MDC1: variants seen among roughly 807,000 people sequenced by gnomAD.
MDC1 encodes mediator of DNA damage checkpoint protein 1.
MDC1 carries 81 observed loss-of-function variants against 142.5 expected under a neutral mutation model. That is an observed-to-expected ratio of 0.57 (90% CI 0.47 to 0.68). The LOEUF is 0.68. Ranked by LOEUF, MDC1 falls within the 30% of genes least tolerant of loss-of-function variation. MDC1 has a pLI of 0.00. For synonymous variants in MDC1, 797 were observed against 968.4 expected (o/e 0.82, Z 3.29); for missense variants, 2,119 against 2,547.9 (o/e 0.83, Z 3.62).
intron 14 of MDC1, 70 bp downstream of exon 14, chr6:30,702,483 C>A (rs1266609373): frequency 2.2e-5 from 27 of 1,252,432 alleles, no homozygotes; most frequent in Non-Finnish European, 2.7e-5. Context: ...TCCCTCCAAT[C>A]TTTGCCATTC....
At chr6:30,708,869 A>C (rs112173261) in intron 7 of MDC1, among the ~76,000 whole-genome samples, 10 of 151,602 alleles carry the variant, frequency 6.6e-5, no homozygotes, top group African/African-American at 1.7e-4. Flanking sequence ...AAAAAAAAAA[A>C]AAAAAAACCC....
At position 30,709,793 on chromosome 6, in the gene MDC1, A is replaced by G. The variant is rs1178886365; in HGVS notation, c.2222-1436T>C. ...TCTGTGCTGACTTATTTCACTTAAC[A>G]TAATGTCCTCAGGGTTCATCCATGT... On this transcript the variant is annotated intron_variant, in intron 7 of 14. Transcript: ENST00000376406. The surrounding 1 kb of genome is among the most constrained non-coding windows in gnomAD (Gnocchi z 4.2). Among the ~76,000 whole-genome samples, 1 of 152,196 alleles carries G rather than the reference A, an allele frequency of 6.6e-6. No individual in the cohort carries two copies. The highest frequency in any genetic ancestry group is 2.4e-5 in the African/African-American group (1 of 41,452).
At position 30,713,537 on chromosome 6, in the gene MDC1, T is replaced by C. The variant is rs1164488374; in HGVS notation, c.587+111A>G. On this transcript the variant is annotated intron_variant, in intron 4 of 14. Coordinates refer to ENST00000376406, the MANE Select transcript of MDC1 (RefSeq NM_014641.3). The surrounding 1 kb of genome is among the most constrained non-coding windows in gnomAD (Gnocchi z 4.9). ...ATTCAGCTGAGTGAATGAATATGTA[T>C]GGTTCCCCAGCCCCAACTCTCATGA... 7.7e-7 allele frequency: 1 copy of C among 1,296,124 alleles called. No homozygotes were observed. The highest frequency in any genetic ancestry group is 1.5e-5 in the African/African-American group (1 of 66,760). The allele number at this position is 1,296,124 out of a possible 1,614,324, so 80.3% of individuals were successfully genotyped here.
rs752865436 is a variant in MDC1 at position 30,704,526 on chromosome 6, A to T, written c.4657T>A (p.Ser1553Thr). 6.2e-7 allele frequency: 1 copy of T among 1,610,462 alleles called. No homozygotes were observed. The highest frequency in any genetic ancestry group is 2.2e-5 in the East Asian group (1 of 44,658). The change falls in exon 10 of 15, where the codon TCT becomes ACT. Residue 1553 changes from serine to threonine, a missense_variant. Physicochemically the swap from Ser to Thr is moderately conservative, Grantham distance 58 (BLOSUM62 1). Transcript: ENST00000376406. ...TDQPVTPEPT[S>T]RATRGRTNRS... ...TTTGTCCTGCCCCTAGTGGCCCGAG[A>T]TGTGGGCTCAGGGGTGACAGGTTGG...
Position 30,707,946 on chromosome 6 carries a change from C to A in MDC1, c.2633G>T (p.Gly878Val), listed in dbSNP as rs1774189598. ...ATCTCTTTCAGGACTTGCACTTTCC[C>A]CATTTTTGTCAGATTCTTGTCTCTG... Reference protein sequence around the residue: ...DTQRQESDKNGESASPERDRE... With the variant: ...DTQRQESDKNVESASPERDRE... The change falls in exon 8 of 15, where the codon GGG (glycine) becomes GTG (valine). Residue 878 changes from glycine to valine, a missense_variant. Gly to Val is a moderately radical substitution (Grantham distance 109). Coordinates refer to ENST00000376406, the MANE Select transcript of MDC1 (RefSeq NM_014641.3). 2 of 1,612,934 alleles carry A rather than the reference C, an allele frequency of 1.2e-6. No individual in the cohort carries two copies. The highest frequency in any genetic ancestry group is 1.7e-5 in the Admixed American group (1 of 60,004).
rs748828430 is a variant in MDC1, at chr6:30,704,433, T to C, written c.4750A>G (p.Arg1584Gly). The C allele has an allele frequency of 6.2e-7, 1 of 1,612,356 alleles. No homozygotes were observed. Among genetic ancestry groups the C allele is most frequent in the Admixed American group, 1.7e-5 (1 of 59,770 alleles). Residue 1584 changes from arginine (R) to glycine (G), a missense_variant, in exon 10 of 15, where the codon AGA becomes GGA. By Grantham distance (125) the Arg-to-Gly change is moderately radical. Coordinates refer to ENST00000376406, the MANE Select transcript of MDC1 (RefSeq NM_014641.3). ...IAPELQPSTS[R>G]NQLVTPEPTS... ...GGCTCAGGGGTGACAAGCTGGTTTC[T>C]GGAGGTGGAAGGCTGAAGCTCAGGG...
chr6:30,710,239 C>A (rs940242115), intron 7 of MDC1, among the ~76,000 whole-genome samples: 2 of 152,060 alleles, frequency 1.3e-5, no homozygotes, highest in African/African-American at 4.8e-5. Context: ...CAGGCACCTG[C>A]CACCATGCCC....
Position 30,707,417 on chromosome 6 carries a change from A to T in MDC1, c.3051T>A (p.Ala1017=). The change falls in exon 9 of 15, where the codon GCT becomes GCA. Residue 1017 remains alanine (A), a synonymous_variant. Transcript: ENST00000376406. ...CCTTCTCAGCAGCTCTGATCCTGGA[A>T]GCCTTCTCAGCAGGTGGCATCTTGC... The part of the protein sequence containing the change: ...LNCKMPPAEK[A]SRIRAAEKVS... 6.2e-7 allele frequency: 1 copy of T among 1,613,118 alleles called. No homozygotes were observed. Among genetic ancestry groups the T allele is most frequent in the Non-Finnish European group, 8.5e-7 (1 of 1,180,032 alleles).
chr6:30,708,256 A>G lies in MDC1; in HGVS notation c.2323T>C (p.Tyr775His). 1.9e-6 allele frequency: 3 copies of G among 1,613,006 alleles called. No homozygotes were observed. Among genetic ancestry groups the G allele is most frequent in the Non-Finnish European group, 1.7e-6 (2 of 1,180,010 alleles). The change falls in exon 8 of 15, where the codon TAT (tyrosine) becomes CAT (histidine). Residue 775 changes from tyrosine (Y) to histidine (H), a missense_variant. Coordinates refer to ENST00000376406, the MANE Select transcript of MDC1 (RefSeq NM_014641.3). ...TQPFDTHLEA[Y>H]GPCLSPPRAI... Reference sequence around the variant, plus strand: ...CTAGGTGGAGACAGGCAAGGTCCATAGGCCTCAAGGTGCGTGTCAAAAGGC... The same window carrying G: ...CTAGGTGGAGACAGGCAAGGTCCATGGGCCTCAAGGTGCGTGTCAAAAGGC...
chr6:30,703,702 G>C lies in MDC1; in HGVS notation c.5481C>G (p.Pro1827=), dbSNP rs772146341. 1 of 1,542,038 alleles carries C rather than the reference G, an allele frequency of 6.5e-7. No homozygotes were observed. Among genetic ancestry groups the C allele is most frequent in the Non-Finnish European group, 8.7e-7 (1 of 1,149,212 alleles). The change falls in exon 10 of 15, where the codon CCC becomes CCG. Residue 1827 remains proline, a synonymous_variant. Transcript: ENST00000376406. The surrounding 1 kb of genome is among the most constrained non-coding windows in gnomAD (Gnocchi z 4.4). The stretch of plus-strand genomic sequence containing the variant: ...TCTTCTGGGAGACTTCCCCTCTTTG[G>C]GGCTGTTTTTGATGTGGTGGTGAAT... ...TMDSPPHQKQ[P]QRGEVSQKTV...
Position 30,709,184 on chromosome 6 carries a change from C to G in MDC1, c.2222-827G>C, listed in dbSNP as rs889730861. Among the ~76,000 whole-genome samples the G allele has an allele frequency of 2.4e-4, 37 of 152,282 alleles. No homozygotes were observed. The highest frequency in any genetic ancestry group is 3.4e-3 in the Middle Eastern group (1 of 294). On this transcript the variant is annotated intron_variant, in intron 7 of 14. Transcript: ENST00000376406. This position sits in a 1 kb window ranked among gnomAD's most constrained non-coding sequence, Gnocchi z 4.2. Reference sequence around the variant, plus strand: ...CAAGTAGCTGGGACTACGGCATGTGCCAAAGTGCCCGGCTAATTTTTTGTA... The same window carrying G: ...CAAGTAGCTGGGACTACGGCATGTGGCAAAGTGCCCGGCTAATTTTTTGTA...
Position 30,703,977 on chromosome 6 carries a change from G to A in MDC1, c.5206C>T (p.Pro1736Ser). ...GCAGAGCAAGGCTTATGGTCAATGG[G>A]AGCTGCGAGGGAGCCAGGGTTCCCA... ...AAGNPGSLAA[P>S]IDHKPCSAPL... The change falls in exon 10 of 15, where the codon CCC (proline) becomes TCC (serine). Residue 1736 changes from proline to serine, a missense_variant. Transcript: ENST00000376406. The surrounding 1 kb of genome is among the most constrained non-coding windows in gnomAD (Gnocchi z 4.4). The A allele has an allele frequency of 3.7e-6, 6 of 1,614,206 alleles. No homozygotes were observed. The South Asian group carries it at 5.5e-5, about 15-fold the overall frequency.
In MDC1 at chr6:30,705,866, T is replaced by G; in HGVS notation, c.3317A>C (p.Lys1106Thr). 13 of 1,610,802 alleles carry G rather than the reference T, an allele frequency of 8.1e-6. No individual in the cohort carries two copies. The highest frequency in any genetic ancestry group is 1.1e-5 in the Non-Finnish European group (13 of 1,178,410). The change falls in exon 10 of 15, where the codon AAA (lysine) becomes ACA (threonine). Residue 1106 changes from lysine (K) to threonine (T), a missense_variant. Coordinates refer to ENST00000376406, the MANE Select transcript of MDC1 (RefSeq NM_014641.3). ...SELEPFHPKP[K>T]IRTRKSSRMT... ...TCTGGAGGACTTCCGAGTTCTAATT[T>G]TAGGCTTTGGGTGGAAAGGCTCCAG...
rs201419005 is a variant in MDC1 at position 30,704,036 on chromosome 6, G to A, written c.5147C>T (p.Thr1716Ile). 7.1e-5 allele frequency: 114 copies of A among 1,614,230 alleles called. No homozygotes were observed. In the Middle Eastern group the frequency reaches 1.3e-3, roughly 19 times the overall value. ...CTGCCTCTTGATGCAACTGGGTTGA[G>A]TAATAGGCTCAGGGGAAATAGGCTG... is the stretch of plus-strand genomic sequence containing the variant. The part of the protein sequence containing the change: ...TDQPISPEPI[T>I]QPSCIKRQRA... Residue 1716 changes from threonine to isoleucine, a missense_variant, in exon 10 of 15, where the codon ACT (threonine) becomes ATT (isoleucine). Physicochemically the swap from Thr to Ile is moderately conservative, Grantham distance 89. Coordinates refer to ENST00000376406, the MANE Select transcript of MDC1 (RefSeq NM_014641.3).
rs1292566267 is a variant in MDC1, at chr6:30,705,536, T to C, written c.3647A>G (p.Asp1216Gly). The C allele has an allele frequency of 5.0e-6, 8 of 1,605,810 alleles. No individual in the cohort carries two copies. The South Asian group carries it at 6.7e-5, about 13-fold the overall frequency. Reference protein sequence around the residue: ...ALELQPSTSTDRPVTSEPTSQ... With the variant: ...ALELQPSTSTGRPVTSEPTSQ... ...GGTGGGTTCAGAGGTGACAGGTCGG[T>C]CGGTGGAGGTGGAAGGCTGGAGCTC... is the stretch of plus-strand genomic sequence containing the variant. The change falls in exon 10 of 15, where the codon GAC (aspartate) becomes GGC (glycine). Residue 1216 changes from aspartate (D) to glycine (G), a missense_variant. Coordinates refer to ENST00000376406, the MANE Select transcript of MDC1 (RefSeq NM_014641.3).
chr6:30,713,302 A>C lies in MDC1; in HGVS notation c.640T>G (p.Phe214Val), dbSNP rs1290294568. The C allele has an allele frequency of 3.7e-6, 6 of 1,605,416 alleles. No homozygotes were observed. The highest frequency in any genetic ancestry group is 2.2e-5 in the East Asian group (1 of 44,858). ...VLGGLGPPFA[F>V]NLNSDTDVEE... is the part of the protein sequence containing the mutation. ...ACATCTGTGTCACTGTTCAAATTGA[A>C]GGCAAAAGGCGGCCCAAGGCCGCCC... Residue 214 changes from phenylalanine (F) to valine (V), a missense_variant, in exon 5 of 15, where the codon TTC (phenylalanine) becomes GTC (valine). Transcript: ENST00000376406. This position sits in a 1 kb window ranked among gnomAD's most constrained non-coding sequence, Gnocchi z 4.9.
intron 7 of MDC1, among the ~76,000 whole-genome samples, 181 bp from the exon 8 acceptor site, chr6:30,708,538 C>T (rs1218827222): frequency 6.6e-6 from 1 of 152,098 alleles, no homozygotes; most frequent in Non-Finnish European, 1.5e-5. Context: ...GTAGTTATAA[C>T]ATTTAACGTT....
At chr6:30,710,250 A>G (rs575437002) in intron 7 of MDC1, among the ~76,000 whole-genome samples, 7 of 151,592 alleles carry the variant, frequency 4.6e-5, no homozygotes, top group Admixed American at 2.6e-4. Context: ...CACCATGCCC[A>G]GCTAATTTTT....
chr6:30,711,377 A>G, intron 7 of MDC1, 35 bp downstream of exon 7: 1 of 1,562,618 alleles, frequency 6.4e-7, no homozygotes, highest in Non-Finnish European at 8.8e-7. Context: ...AGAATGCAGA[A>G]TTGGGGACAC....
Sources: allele counts gnomAD v4.1 joint callset (sites outside exome capture counted in the v4.1 genomes callset), GRCh38; gene constraint gnomAD v4.1.1; non-coding constraint Gnocchi (gnomAD v3.1); transcripts MANE v1.5; gene names NCBI Gene and HGNC (gene_info 2026-07-23, HGNC 2026-07-21).